Variants in PCDH15 observed in about 807,000 individuals in gnomAD.
PCDH15 encodes the protein protocadherin-15.
Under a neutral mutation model 178.5 loss-of-function variants are expected in PCDH15, and 129 were observed. That is an observed-to-expected ratio of 0.72 (90% CI 0.63 to 0.84). The LOEUF is 0.84. Among genes scored for constraint, PCDH15 ranks in the 40% least tolerant of loss-of-function variants. PCDH15 has a pLI of 0.00. For synonymous variants in PCDH15, 800 were observed against 732.0 expected, an observed-to-expected ratio of 1.09 and a Z score of -1.50; for missense variants, 2,230 against 2,099.9, an observed-to-expected ratio of 1.06 and a Z score of -1.21.
intron 3 of PCDH15, among the ~76,000 whole-genome samples, chr10:54,416,074 C>T (rs942395024): frequency 7.2e-5 from 11 of 152,016 alleles, no homozygotes; most frequent in African/African-American, 2.7e-4. Flanking sequence ...GGTGATTCTC[C>T]CACCTCAGCC....
intron 1 of PCDH15, among the ~76,000 whole-genome samples, chr10:54,673,328 GT>G (rs1565908504): frequency 6.6e-6 from 1 of 151,938 alleles, no homozygotes; most frequent in African/African-American, 2.4e-5. Context: ...GCGGTGCTTG[GT>G]TTTTCTGTTC....
intron 15 of PCDH15, 37 bp downstream of exon 15, chr10:54,132,838 T>TACAC (rs1564496909): frequency 6.8e-7 from 1 of 1,462,234 alleles, no homozygotes; most frequent in Non-Finnish European, 9.2e-7. Context: ...CTTTAGAATT[T>TACAC]ATACACACAC....
intron 18 of PCDH15, among the ~76,000 whole-genome samples, chr10:54,046,316 T>C (rs965108500): frequency 2.0e-5 from 3 of 152,160 alleles, no homozygotes; most frequent in Non-Finnish European, 4.4e-5. Context: ...CTCAGGCACA[T>C]GAGCGCCAGG....
chr10:53,844,149 C>G (rs1194949879), intron 28 of PCDH15, among the ~76,000 whole-genome samples: 3 of 151,990 alleles, frequency 2.0e-5, no homozygotes, highest in Admixed American at 2.0e-4. Context: ...CAGAGCAGAT[C>G]ACGTGGGGAC....
chr10:55,021,543 G>A (rs1426554830), intron 2 of PCDH15, among the ~76,000 whole-genome samples: 1 of 152,044 alleles, frequency 6.6e-6, no homozygotes, highest in Non-Finnish European at 1.5e-5. Flanking sequence ...ATTTTTCCCT[G>A]ATTACCCCTG....
At chr10:54,367,074 T>G (rs10509012) in intron 5 of PCDH15, among the ~76,000 whole-genome samples, 8,332 of 152,122 alleles carry the variant, frequency 0.055, 267 homozygotes, top group Admixed American at 0.1. Flanking sequence ...GTAAAAGAGA[T>G]GAACAAAATT....
intron 1 of PCDH15, among the ~76,000 whole-genome samples, chr10:54,771,120 T>C (rs567533796): frequency 4.6e-5 from 7 of 152,216 alleles, no homozygotes; most frequent in African/African-American, 1.7e-4. Flanking sequence ...AGATAGGTAC[T>C]TTGAATTCAT....
At chr10:55,164,801 T>C (rs1216268935) in intron 2 of PCDH15, among the ~76,000 whole-genome samples, 1 of 152,102 alleles carries the variant, frequency 6.6e-6, no homozygotes, top group African/African-American at 2.4e-5. Flanking sequence ...GCCTCATCAT[T>C]ATTAGTCATC....
At chr10:55,256,124 G>A (rs986688950) in intron 1 of PCDH15, among the ~76,000 whole-genome samples, 2 of 152,100 alleles carry the variant, frequency 1.3e-5, no homozygotes, top group African/African-American at 2.4e-5. Flanking sequence ...ATTAATTTTT[G>A]TATAAGGTGT....
chr10:54,192,174 AAG>A (rs2049102349), intron 11 of PCDH15, among the ~76,000 whole-genome samples: 5 of 132,664 alleles, frequency 3.8e-5, no homozygotes, highest in Admixed American at 3.0e-4. Flanking sequence ...AAGAAAGAAA[AAG>A]AAAGAGAAAG....
intron 1 of PCDH15, among the ~76,000 whole-genome samples, chr10:55,174,940 A>G (rs1158197836): frequency 6.6e-6 from 1 of 152,144 alleles, no homozygotes; most frequent in African/African-American, 2.4e-5. Flanking sequence ...GCTTTCCAGA[A>G]TTTAACCCAA....
intron 2 of PCDH15, among the ~76,000 whole-genome samples, chr10:55,559,021 AC>A (rs1842142889): frequency 6.6e-6 from 1 of 151,996 alleles, no homozygotes; most frequent in Non-Finnish European, 1.5e-5. Flanking sequence ...CCCTTATGTC[AC>A]CTCCCAGTGC....
At chr10:55,032,842 A>C (rs1840645334) in intron 2 of PCDH15, among the ~76,000 whole-genome samples, 1 of 152,056 alleles carries the variant, frequency 6.6e-6, no homozygotes, top group Non-Finnish European at 1.5e-5. Context: ...TCAAGTGAGG[A>C]AGAGCTCAGG....
chr10:54,306,997 TAA>T (rs1188389953), intron 8 of PCDH15, among the ~76,000 whole-genome samples: 7 of 109,784 alleles, frequency 6.4e-5, no homozygotes, highest in African/African-American at 1.3e-4. Flanking sequence ...TGTTTGAAAT[TAA>T]ATATATATAT....
intron 25 of PCDH15, among the ~76,000 whole-genome samples, chr10:53,907,719 T>C (rs1052236795): frequency 4.6e-5 from 7 of 152,130 alleles, no homozygotes; most frequent in Non-Finnish European, 8.8e-5. Context: ...TTGCAATGTT[T>C]TAAAGAAAGA....
chr10:54,064,536 C>T (rs545632948), intron 18 of PCDH15, among the ~76,000 whole-genome samples: 31 of 152,230 alleles, frequency 2.0e-4, no homozygotes, highest in African/African-American at 7.5e-4. Context: ...TCATGTTGTT[C>T]ATGGTGCCCA....
chr10:54,128,872 A>G (rs1304188808), intron 15 of PCDH15, among the ~76,000 whole-genome samples: 3 of 152,224 alleles, frequency 2.0e-5, no homozygotes, highest in Admixed American at 2.0e-4. Flanking sequence ...TTTAAACATT[A>G]GTACATTTAC....
At chr10:54,796,266 C>CTATCTATCTATCTGTCTATG (rs1951976176) in intron 1 of PCDH15, among the ~76,000 whole-genome samples, 2 of 87,162 alleles carry the variant, frequency 2.3e-5, no homozygotes, top group African/African-American at 5.3e-5. Flanking sequence ...ATCTATCTAT[C>CTATCTATCTATCTGTCTATG]TATCTATGTA....
At chr10:55,454,621 CAAA>C (rs35852490) in intron 2 of PCDH15, among the ~76,000 whole-genome samples, 7 of 137,588 alleles carry the variant, frequency 5.1e-5, no homozygotes, top group African/African-American at 1.9e-4. Context: ...ACTAAAAATG[CAAA>C]AAAAAAAAAA....
Sources: gnomAD v4.1 joint callset for allele counts (sites outside exome capture counted in the v4.1 genomes callset) on GRCh38, gnomAD v4.1.1 for gene constraint, MANE v1.5 for transcripts, NCBI Gene and HGNC (gene_info 2026-07-23, HGNC 2026-07-21) for gene names.